Variants in IQSEC2 observed in about 807,000 individuals in gnomAD.
IQSEC2 encodes the protein IQ motif and Sec7 domain ArfGEF 2, also known as IQ motif and SEC7 domain-containing protein 2.
IQSEC2 carries 6 observed loss-of-function variants against 74.6 expected under a neutral mutation model. The observed-to-expected ratio is 0.08, with a 90% confidence interval of 0.04 to 0.16. The LOEUF is 0.16. Among genes scored for constraint, IQSEC2 ranks in the 10% least tolerant of loss-of-function variants. The probability of loss-of-function intolerance (pLI) is 1.00; values close to 1 mark genes in which losing one functional copy is unlikely to be tolerated. For missense variants in IQSEC2, 734 were observed against 1,306.2 expected (o/e 0.56, Z 6.75); for synonymous variants, 494 against 544.5 (o/e 0.91, Z 1.29).
chrX:53,243,533 C>T, intron 8 of IQSEC2, 62 bp from the exon 9 acceptor site: 1 of 1,108,711 alleles, frequency 9.0e-7, no homozygotes, highest in Non-Finnish European at 1.2e-6. Context: ...GGTAGGGGTG[C>T]TCCACCACCC....
chrX:53,313,542 T>G (rs2075340550), intron 1 of IQSEC2, among the ~76,000 whole-genome samples: 1 of 111,625 alleles, frequency 9.0e-6, no homozygotes, highest in Non-Finnish European at 1.9e-5. Flanking sequence ...CTAAACGAGC[T>G]TCCCCAAAAG....
chrX:53,306,714 T>C (rs1267031878), intron 1 of IQSEC2, among the ~76,000 whole-genome samples: 6 of 111,712 alleles, frequency 5.4e-5, no homozygotes, highest in African/African-American at 2.0e-4. Flanking sequence ...AAATAAAGTA[T>C]GAACTCATAA....
chrX:53,301,415 A>G (rs2075210083), intron 1 of IQSEC2, among the ~76,000 whole-genome samples: 1 of 112,066 alleles, frequency 8.9e-6, no homozygotes, highest in South Asian at 3.7e-4. Context: ...CCCACATTTT[A>G]GGGGCCACTC....
At chrX:53,307,642 C>T (rs927361581) in intron 1 of IQSEC2, among the ~76,000 whole-genome samples, 1 of 108,475 alleles carries the variant, frequency 9.2e-6, no homozygotes, top group African/African-American at 3.3e-5. Context: ...TGGTGGCTCA[C>T]GCCTGTAATC....
rs967358225 is a variant in IQSEC2, at chrX:53,318,367, G to A, written c.707+2050C>T. 8.9e-5 allele frequency among the ~76,000 whole-genome samples: 10 copies of A among 112,251 alleles called. No homozygotes were observed. In the Admixed American group the frequency reaches 9.4e-4, roughly 11 times the overall value. On this transcript the variant is annotated intron_variant, in intron 1 of 14. Transcript: ENST00000642864. ...AGGAAACGCAACAAGCAACCTGGGGGGGTTCACAAAAAGAGGGAAGGACCA... is the reference window on the plus strand; with the variant it reads ...AGGAAACGCAACAAGCAACCTGGGGAGGTTCACAAAAAGAGGGAAGGACCA...
intron 2 of IQSEC2, among the ~76,000 whole-genome samples, chrX:53,263,827 C>G (rs1602306958): frequency 8.9e-6 from 1 of 112,309 alleles, no homozygotes; most frequent in East Asian, 2.8e-4. Context: ...ACTTGTGGTT[C>G]TCTCTTAAAG....
In IQSEC2 at chrX:53,320,458, G is replaced by A. The variant is rs1556879956; in HGVS notation, c.666C>T (p.Ser222=). The A allele has an allele frequency of 8.6e-7, 1 of 1,166,348 alleles. No individual in the cohort carries two copies. Residue 222 remains serine, a synonymous_variant, in exon 1 of 15, where the codon AGC becomes AGT. Transcript: ENST00000642864. ...SSSPGAGGGH[S]TSTSTSPATT... ...TGGCCGGGCTGGTGCTGGTACTGGT[G>A]CTGTGGCCTCCGCCGGCGCCGGGAC...
chrX:53,280,630 G>A (rs1359482038), intron 2 of IQSEC2, among the ~76,000 whole-genome samples: 3 of 110,286 alleles, frequency 2.7e-5, no homozygotes, highest in African/African-American at 9.9e-5. Context: ...CCCAAGGCGG[G>A]GCCCACACTC....
intron 8 of IQSEC2, 54 bp downstream of exon 8, chrX:53,246,915 C>G: frequency 9.2e-7 from 1 of 1,090,371 alleles, no homozygotes; most frequent in Non-Finnish European, 1.3e-6. Context: ...CTTCCCCTTA[C>G]CCCCCACTTT....
chrX:53,305,099 AG>A (rs2075247653), intron 1 of IQSEC2, among the ~76,000 whole-genome samples: 1 of 109,855 alleles, frequency 9.1e-6, no homozygotes, highest in African/African-American at 3.3e-5. Context: ...TTGTATTTTT[AG>A]TAGAGATGGA....
intron 2 of IQSEC2, chrX:53,279,476 G>T: frequency 1.8e-6 from 1 of 550,715 alleles, no homozygotes; most frequent in East Asian, 3.4e-5. Context: ...CACAGCAGGG[G>T]CTCAGGGAGG....
chrX:53,268,212 G>A (rs1422907248), intron 2 of IQSEC2, among the ~76,000 whole-genome samples: 2 of 111,439 alleles, frequency 1.8e-5, no homozygotes, highest in African/African-American at 6.5e-5. Context: ...CTCAGGGGAT[G>A]CAGGAATTAT....
intron 10 of IQSEC2, among the ~76,000 whole-genome samples, chrX:53,241,179 C>T (rs908792934): frequency 4.5e-5 from 5 of 111,555 alleles, no homozygotes; most frequent in Non-Finnish European, 9.4e-5. Flanking sequence ...GATCACAGCA[C>T]ACTGCAACCT....
At chrX:53,307,028 C>T (rs1430372286) in intron 1 of IQSEC2, among the ~76,000 whole-genome samples, 1 of 110,465 alleles carries the variant, frequency 9.1e-6, no homozygotes, top group African/African-American at 3.3e-5. Context: ...GAACACAGGC[C>T]GCCTGGCATT....
At position 53,250,904 on chromosome X, in the gene IQSEC2, C is replaced by G. The variant is rs2074377782; in HGVS notation, c.1672G>C (p.Val558Leu). ...CCGTCTTCCCGGGTTCCTGATGGCACTGGTGGAGGAACTGGCGGGAGAGGG... is the reference window on the plus strand; with the variant it reads ...CCGTCTTCCCGGGTTCCTGATGGCAGTGGTGGAGGAACTGGCGGGAGAGGG... ...PAPLPPVPPP[V>L]PSGTREDGSR... Residue 558 changes from valine to leucine, a missense_variant, in exon 5 of 15, where the codon GTG becomes CTG. Physicochemically the swap from Val to Leu is conservative, Grantham distance 32. This residue lies in a region of IQSEC2 where 204 missense variants were observed against 305.4 expected (regional missense o/e 0.67). Transcript: ENST00000642864. The G allele has an allele frequency of 8.3e-7, 1 of 1,210,474 alleles. No individual in the cohort carries two copies. Among genetic ancestry groups the G allele is most frequent in the Non-Finnish European group, 1.1e-6 (1 of 894,204 alleles).
chrX:53,281,722 G>A lies in IQSEC2; in HGVS notation c.737+10173C>T, dbSNP rs2074968037. 3 of 423,298 alleles carry A rather than the reference G, an allele frequency of 7.1e-6. No individual in the cohort carries two copies. In the East Asian group the frequency reaches 1.3e-4, roughly 18 times the overall value. 34.9% of individuals were successfully genotyped at this position (423,298 alleles called of 1,213,427 possible). A position where few individuals can be genotyped will look rare whatever the true frequency, so the allele number is the denominator to read the frequency against. On this transcript the variant is annotated intron_variant, in intron 2 of 14. Transcript: ENST00000642864. ...GGAGGGCTGGGAACTCCTCCTCCGA[G>A]GAAGCGGCCTGGAGAGCTCACAGTC... is the stretch of plus-strand genomic sequence containing the variant.
intron 2 of IQSEC2, among the ~76,000 whole-genome samples, chrX:53,272,622 C>G (rs1384392307): frequency 7.2e-5 from 8 of 111,522 alleles, no homozygotes; most frequent in Non-Finnish European, 1.5e-4. Flanking sequence ...GAGATGGTAT[C>G]AGTAGAAGAG....
At position 53,280,890 on chromosome X, in the gene IQSEC2, C is replaced by G. The variant is rs188067797; in HGVS notation, c.737+11005G>C. The stretch of plus-strand genomic sequence containing the variant: ...CAGGTCAGCCAGCCCCTGTCCCCCA[C>G]AAGCCCACAGAGGCAGACTGTGGTC... On this transcript the variant is annotated intron_variant, in intron 2 of 14. Coordinates refer to ENST00000642864, the MANE Select transcript of IQSEC2 (RefSeq NM_001111125.3). Among the ~76,000 whole-genome samples, 354 of 112,207 alleles carry G rather than the reference C, an allele frequency of 3.2e-3. 2 individuals are homozygous for G. Among genetic ancestry groups the G allele is most frequent in the African/African-American group, 0.011 (332 of 30,822 alleles).
chrX:53,285,872 AG>A (rs1359853357), intron 2 of IQSEC2, among the ~76,000 whole-genome samples: 2 of 112,856 alleles, frequency 1.8e-5, no homozygotes, highest in African/African-American at 6.4e-5. Context: ...TCTGGAGAAC[AG>A]TCATTACTGG....
Sources: allele counts gnomAD v4.1 joint callset (sites outside exome capture counted in the v4.1 genomes callset), GRCh38; gene constraint gnomAD v4.1.1; regional missense constraint gnomAD v4.1.1; transcripts MANE v1.5; gene names NCBI Gene and HGNC (gene_info 2026-07-23, HGNC 2026-07-21).